The following EFR3A variants were observed in gnomAD, a reference collection of about 807,000 sequenced individuals.
The protein encoded by EFR3A is protein EFR3 homolog A.
EFR3A carries 76 observed loss-of-function variants against 104.4 expected under a neutral mutation model. The observed-to-expected ratio is 0.73, with a 90% CI of 0.60 to 0.88. The LOEUF (loss-of-function observed/expected upper bound fraction) is 0.88. EFR3A is among the 40% of genes least tolerant of loss of function. The pLI is 0.00. For synonymous variants in EFR3A, 330 were observed against 330.0 expected (o/e 1.00, Z 0.00); for missense variants, 985 against 1,012.5 (o/e 0.97, Z 0.37).
rs1474483879 is a variant in EFR3A at position 131,940,494 on chromosome 8, A to C, written c.11-5A>C. Reference sequence around the variant, plus strand: ...TGTATTTCTTGATTTTTTTTTTTTTAACAGGAGTATGCTGCTGCTGTTCCG... The same window carrying C: ...TGTATTTCTTGATTTTTTTTTTTTTCACAGGAGTATGCTGCTGCTGTTCCG... On this transcript the variant is annotated splice_polypyrimidine_tract_variant and splice_region_variant and intron_variant, in intron 1 of 22. Coordinates refer to ENST00000254624, the MANE Select transcript of EFR3A (RefSeq NM_015137.6). 2.0e-6 allele frequency: 3 copies of C among 1,514,450 alleles called. No homozygotes were observed. The highest frequency in any genetic ancestry group is 1.6e-5 in the African/African-American group (1 of 61,488). 93.8% of individuals were successfully genotyped at this position (1,514,450 alleles called of 1,614,324 possible). A position where few individuals can be genotyped will look rare whatever the true frequency, so the allele number is the denominator to read the frequency against.
chr8:131,994,775 T>C (rs1411906614), intron 18 of EFR3A, among the ~76,000 whole-genome samples: 1 of 152,126 alleles, frequency 6.6e-6, no homozygotes, highest in East Asian at 1.9e-4. Context: ...ATAGAATTGA[T>C]TAATAAGAAA....
At chr8:131,985,122 G>T in intron 16 of EFR3A, 62 bp downstream of exon 16, 3 of 1,487,280 alleles carry the variant, frequency 2.0e-6, no homozygotes, top group Non-Finnish European at 2.8e-6. Flanking sequence ...TTTTATTCCA[G>T]TGATGATTAT....
chr8:131,935,608 T>C (rs1349937646), intron 1 of EFR3A: 2 of 322,466 alleles, frequency 6.2e-6, no homozygotes, highest in Non-Finnish European at 1.3e-5. Flanking sequence ...GATACTATTA[T>C]TGTATGCTTT....
chr8:131,999,578 C>G (rs1213006442), intron 19 of EFR3A, among the ~76,000 whole-genome samples: 1 of 132,976 alleles, frequency 7.5e-6, no homozygotes, highest in African/African-American at 2.6e-5. Context: ...CCAGTTTTCC[C>G]TCTATAGAGT....
At chr8:131,913,385 T>C (rs7834499) in intron 1 of EFR3A, among the ~76,000 whole-genome samples, 60,981 of 151,676 alleles carry the variant, frequency 0.4, 12,807 homozygotes, top group Middle Eastern at 0.54. Context: ...CTTTTGCATA[T>C]GTATTTCTTG....
chr8:131,940,853 A>G (rs1586572882), intron 2 of EFR3A, among the ~76,000 whole-genome samples: 1 of 152,052 alleles, frequency 6.6e-6, no homozygotes, highest in Non-Finnish European at 1.5e-5. Flanking sequence ...CTGTCGCATT[A>G]ATTTATGTTC....
chr8:131,992,299 A>C (rs1193864294), intron 18 of EFR3A, among the ~76,000 whole-genome samples: 1 of 152,230 alleles, frequency 6.6e-6, no homozygotes, highest in African/African-American at 2.4e-5. Flanking sequence ...TACAGGGTCT[A>C]GGTTAACTCA....
At chr8:132,005,225 GA>G (rs1821973317) in intron 22 of EFR3A, among the ~76,000 whole-genome samples, 1 of 152,132 alleles carries the variant, frequency 6.6e-6, no homozygotes, top group East Asian at 1.9e-4. Flanking sequence ...AGCTTATGGA[GA>G]AACTAAATAG....
At chr8:131,937,644 G>A (rs1054301713) in intron 1 of EFR3A, among the ~76,000 whole-genome samples, 1 of 152,024 alleles carries the variant, frequency 6.6e-6, no homozygotes, top group Non-Finnish European at 1.5e-5. Flanking sequence ...TATTTCCTAG[G>A]TGACAAACAC....
intron 1 of EFR3A, chr8:131,935,637 C>T: frequency 4.2e-6 from 1 of 239,366 alleles, no homozygotes; most frequent in Non-Finnish European, 8.7e-6. Context: ...ATGAAACAAA[C>T]TTAATTCAAA....
chr8:131,919,498 AG>A (rs1161711981), intron 1 of EFR3A, among the ~76,000 whole-genome samples: 1 of 149,868 alleles, frequency 6.7e-6, no homozygotes, highest in Non-Finnish European at 1.5e-5. Flanking sequence ...CAGGAGGCTG[AG>A]GCAGGAGAAT....
intron 19 of EFR3A, chr8:132,000,809 A>G (rs954826899): frequency 6.6e-6 from 1 of 152,222 alleles, no homozygotes; most frequent in African/African-American, 2.4e-5. Flanking sequence ...TCTGACTTCA[A>G]CTAGAACTAT....
intron 20 of EFR3A, 54 bp from the exon 21 acceptor site, chr8:132,002,549 G>T: frequency 2.1e-6 from 3 of 1,430,712 alleles, no homozygotes; most frequent in Non-Finnish European, 9.7e-7. Flanking sequence ...TCATTGACTG[G>T]GTTCTGTGAA....
chr8:131,942,386 G>A (rs1818207522), intron 2 of EFR3A, among the ~76,000 whole-genome samples: 1 of 152,052 alleles, frequency 6.6e-6, no homozygotes, highest in Admixed American at 6.6e-5. Context: ...GTACCCAAAT[G>A]CAGAAGCAGA....
chr8:131,940,378 T>C (rs1403024133), intron 1 of EFR3A, 121 bp from the exon 2 acceptor site: 4 of 921,954 alleles, frequency 4.3e-6, no homozygotes, highest in Non-Finnish European at 6.3e-6. Flanking sequence ...TGTATGTCTT[T>C]ATTTGTGACA....
chr8:131,912,159 A>G (rs753977982), intron 1 of EFR3A, among the ~76,000 whole-genome samples: 2 of 152,168 alleles, frequency 1.3e-5, no homozygotes, highest in Non-Finnish European at 2.9e-5. Context: ...CTGAGGCCCA[A>G]CAATAGGTTA....
At chr8:131,959,750 C>G in intron 8 of EFR3A, 87 bp downstream of exon 8, 1 of 827,698 alleles carries the variant, frequency 1.2e-6, no homozygotes, top group Non-Finnish European at 1.9e-6. Context: ...ATGTGGGAAG[C>G]TGTAGGATAT....
At chr8:131,965,378 AC>A (rs1229518446) in intron 8 of EFR3A, among the ~76,000 whole-genome samples, 4 of 152,186 alleles carry the variant, frequency 2.6e-5, no homozygotes, top group Non-Finnish European at 5.9e-5. Flanking sequence ...CAAGAAAAAA[AC>A]AACATCAACA....
intron 3 of EFR3A, among the ~76,000 whole-genome samples, chr8:131,946,268 T>G (rs564057329): frequency 6.6e-6 from 1 of 152,176 alleles, no homozygotes; most frequent in African/African-American, 2.4e-5. Flanking sequence ...GGGAATACAG[T>G]GTATATTTTC....
Sources: allele counts gnomAD v4.1 joint callset (sites outside exome capture counted in the v4.1 genomes callset), GRCh38; gene constraint gnomAD v4.1.1; transcripts MANE v1.5; gene names NCBI Gene and HGNC (gene_info 2026-07-23, HGNC 2026-07-21).